The following XRN1 variants were observed in gnomAD, a reference collection of about 807,000 sequenced individuals.
XRN1 encodes the protein 5'-3' exoribonuclease 1.
In XRN1, 67 loss-of-function variants were observed where a neutral mutation model predicts 222.3. The observed-to-expected ratio is 0.30, with a 90% CI of 0.25 to 0.37. The LOEUF is 0.37. XRN1 is among the 10% of genes least tolerant of loss of function. XRN1 has a pLI of 1.00. For missense variants in XRN1, 1,707 were observed against 2,000.2 expected, an observed-to-expected ratio of 0.85 and a Z score of 2.80; for synonymous variants, 643 against 652.4, an observed-to-expected ratio of 0.99 and a Z score of 0.22.
intron 29 of XRN1, among the ~76,000 whole-genome samples, chr3:142,362,734 T>TTCCC (rs546080405): frequency 0.016 from 2,325 of 146,986 alleles, 29 homozygotes; most frequent in Non-Finnish European, 0.026. Context: ...CTTCTCCTCC[T>TTCCC]TCCCTCCCTC....
chr3:142,376,787 C>T (rs1339878981), intron 23 of XRN1, among the ~76,000 whole-genome samples, 193 bp from the exon 24 acceptor site: 1 of 152,126 alleles, frequency 6.6e-6, no homozygotes, highest in Non-Finnish European at 1.5e-5. Flanking sequence ...CTGCTCCTCT[C>T]TCTTTCTCCT....
chr3:142,369,326 G>A (rs571896001), intron 27 of XRN1, among the ~76,000 whole-genome samples: 5 of 152,142 alleles, frequency 3.3e-5, no homozygotes, highest in Non-Finnish European at 7.4e-5. Flanking sequence ...AAAATTTTTA[G>A]TAACTCAATG....
chr3:142,406,180 G>A (rs565564522), intron 15 of XRN1, among the ~76,000 whole-genome samples: 1 of 152,096 alleles, frequency 6.6e-6, no homozygotes, highest in Non-Finnish European at 1.5e-5. Flanking sequence ...GAACAAAATA[G>A]AAAGCCCAGA....
chr3:142,432,637 C>T (rs1222390537), intron 2 of XRN1, 24 bp downstream of exon 2: 4 of 1,507,660 alleles, frequency 2.7e-6, no homozygotes, highest in South Asian at 1.3e-5. Context: ...AATAATATTC[C>T]AAAATAAAAC....
chr3:142,402,333 C>T lies in XRN1; in HGVS notation c.2103+1341G>A, dbSNP rs139669673. Among the ~76,000 whole-genome samples, 929 of 152,170 alleles carry T rather than the reference C, an allele frequency of 6.1e-3. 8 individuals carry two copies. Among genetic ancestry groups the T allele is most frequent in the African/African-American group, 0.021 (858 of 41,506 alleles). ...GAGTAGCTGGGATTACAGGCACCCA[C>T]CACCAAGTTTGGCTAATTTTTGTAT... On this transcript the variant is annotated intron_variant, in intron 18 of 40. Coordinates refer to ENST00000392981, the MANE Select transcript of XRN1 (RefSeq NM_001282857.2).
rs930583151 is a variant in XRN1, at chr3:142,309,983, T to C, written c.*1528A>G. 3.3e-5 allele frequency: 5 copies of C among 152,608 alleles called. No homozygotes were observed. The highest frequency in any genetic ancestry group is 4.8e-5 in the African/African-American group (2 of 41,454). 9.5% of individuals were successfully genotyped at this position (152,608 alleles called of 1,614,324 possible). On this transcript the variant is annotated 3_prime_UTR_variant, in exon 41 of 41. Coordinates refer to ENST00000392981, the MANE Select transcript of XRN1 (RefSeq NM_001282857.2). ...GTTGGGAACTGATAAACATCTGAAC[T>C]TATGAAAATAACAGAAAATAAAATC...
chr3:142,311,304 A>G lies in XRN1; in HGVS notation c.*207T>C, dbSNP rs113173292. On this transcript the variant is annotated 3_prime_UTR_variant, in exon 41 of 41. Transcript: ENST00000392981. Reference sequence around the variant, plus strand: ...ATTTATTGAGGTATAATTGACATACAACAAACTGCACATACTTAAAGTGCA... The same window carrying G: ...ATTTATTGAGGTATAATTGACATACGACAAACTGCACATACTTAAAGTGCA... 2.3e-3 allele frequency: 954 copies of G among 412,400 alleles called. 9 individuals are homozygous for G. Among genetic ancestry groups the G allele is most frequent in the African/African-American group, 0.018 (878 of 49,466 alleles). The allele number at this position is 412,400 out of a possible 1,614,324, so 25.5% of individuals were successfully genotyped here. A position where few individuals can be genotyped will look rare whatever the true frequency, so the allele number is the denominator to read the frequency against.
chr3:142,393,215 C>G (rs1475814504), intron 20 of XRN1, among the ~76,000 whole-genome samples: 4 of 146,334 alleles, frequency 2.7e-5, no homozygotes, highest in Non-Finnish European at 6.0e-5. Flanking sequence ...ATTGTAGATT[C>G]TGGATATTAG....
In XRN1 at chr3:142,422,611, G is replaced by A. The variant is rs192805321; in HGVS notation, c.938C>T (p.Thr313Ile). Residue 313 changes from threonine (T) to isoleucine (I), a missense_variant, in exon 8 of 41, where the codon ACA (threonine) becomes ATA (isoleucine). Physicochemically the swap from Thr to Ile is moderately conservative, Grantham distance 89 (BLOSUM62 -1). This residue lies in a region of XRN1 where 1,234 missense variants were observed against 1,518.2 expected (regional missense o/e 0.81). Transcript: ENST00000392981. The stretch of plus-strand genomic sequence containing the variant: ...AAGTTCTGGCAGGATGGTAACATAT[G>A]TTCCATAAAGAAGAGGCAGTGCATC... ...NHDALPLLYG[T>I]YVTILPELGG... is the part of the protein sequence containing the mutation. 7.4e-5 allele frequency: 120 copies of A among 1,613,652 alleles called. No homozygotes were observed. The highest frequency in any genetic ancestry group is 9.7e-5 in the Non-Finnish European group (114 of 1,179,808).
chr3:142,419,075 G>C (rs1240391955), intron 10 of XRN1, among the ~76,000 whole-genome samples, 194 bp from the exon 11 acceptor site: 2 of 151,908 alleles, frequency 1.3e-5, no homozygotes, highest in Admixed American at 6.6e-5. Flanking sequence ...CCTGTCTACT[G>C]CCAATGACTC....
In XRN1 at chr3:142,309,842, C is replaced by T. The variant is rs748765640; in HGVS notation, c.*1669G>A. The T allele has an allele frequency of 3.9e-5, 6 of 152,030 alleles. No individual in the cohort carries two copies. The highest frequency in any genetic ancestry group is 7.3e-5 in the African/African-American group (3 of 41,366). 9.4% of individuals were successfully genotyped at this position (152,030 alleles called of 1,614,324 possible). A position where few individuals can be genotyped will look rare whatever the true frequency, so the allele number is the denominator to read the frequency against. On this transcript the variant is annotated 3_prime_UTR_variant, in exon 41 of 41. Transcript: ENST00000392981. Reference sequence around the variant, plus strand: ...CACAATTTAACTTTTCTTTGTATTACCATAATAGATGTTTCCTTTAAAAAC... The same window carrying T: ...CACAATTTAACTTTTCTTTGTATTATCATAATAGATGTTTCCTTTAAAAAC...
At chr3:142,380,699 G>A (rs1286392317) in intron 22 of XRN1, among the ~76,000 whole-genome samples, 9 of 151,920 alleles carry the variant, frequency 5.9e-5, no homozygotes, top group Admixed American at 5.9e-4. Flanking sequence ...TGTCATCTAG[G>A]CTGGAGTGTA....
Position 142,423,637 on chromosome 3 carries a change from C to T in XRN1, c.633G>A (p.Met211Ile). The T allele has an allele frequency of 8.9e-6, 14 of 1,575,444 alleles. No individual in the cohort carries two copies. The highest frequency in any genetic ancestry group is 1.1e-5 in the Non-Finnish European group (13 of 1,165,498). The change falls in exon 6 of 41, where the codon ATG (methionine) becomes ATA (isoleucine). Residue 211 changes from methionine to isoleucine, a missense_variant. Met to Ile is a conservative substitution (Grantham distance 10). Around this residue, in one of 2 missense-constraint regions of XRN1, gnomAD observed 1,234 missense variants for 1,518.2 expected, o/e 0.81. Coordinates refer to ENST00000392981, the MANE Select transcript of XRN1 (RefSeq NM_001282857.2). ...CLYGLDADLI[M>I]LGLTSHEAHF... ...GTGCCTCATGACTTGTTAATCCAAGCATAATCTGTTGAAAAATGATTAAGA... is the reference window on the plus strand; with the variant it reads ...GTGCCTCATGACTTGTTAATCCAAGTATAATCTGTTGAAAAATGATTAAGA...
chr3:142,425,172 G>T, intron 5 of XRN1, 50 bp downstream of exon 5: 1 of 1,277,224 alleles, frequency 7.8e-7, no homozygotes, highest in East Asian at 2.6e-5. Context: ...AAATCTCTTA[G>T]ATATTTAACT....
rs573856556 is a variant in XRN1, at chr3:142,321,105, C to CTTTTTTTTTTTTTTT, written c.4405-2217_4405-2203dup. 4.6e-5 allele frequency among the ~76,000 whole-genome samples: 4 copies of CTTTTTTTTTTTTTTT among 87,280 alleles called. 1 individual carries two copies. The highest frequency in any genetic ancestry group is 4.2e-5 in the Non-Finnish European group (2 of 48,050). 57.3% of individuals were successfully genotyped at this position (87,280 alleles called of 152,430 possible). On this transcript the variant is annotated intron_variant, in intron 37 of 40. Coordinates refer to ENST00000392981, the MANE Select transcript of XRN1 (RefSeq NM_001282857.2). ...CATTTGCTGAAAGATCATCCACTTC[C>CTTTTTTTTTTTTTTT]TTTTTTTTTTTTTTTTTTTTTTTTT...
intron 1 of XRN1, among the ~76,000 whole-genome samples, chr3:142,433,454 T>C (rs1199163384): frequency 6.6e-6 from 1 of 152,208 alleles, no homozygotes; most frequent in Admixed American, 6.5e-5. Flanking sequence ...GATTTCTTGT[T>C]TGTGATATGT....
At chr3:142,352,437 C>T (rs2066335518) in intron 32 of XRN1, among the ~76,000 whole-genome samples, 1 of 152,024 alleles carries the variant, frequency 6.6e-6, no homozygotes, top group Non-Finnish European at 1.5e-5. Context: ...ATCTTGTCAC[C>T]TTAATTTTTT....
At chr3:142,385,404 C>T (rs1262564215) in intron 20 of XRN1, among the ~76,000 whole-genome samples, 1 of 152,144 alleles carries the variant, frequency 6.6e-6, no homozygotes, top group East Asian at 1.9e-4. Flanking sequence ...TTATATGAAA[C>T]ATCTAAAATA....
At position 142,423,746 on chromosome 3, in the gene XRN1, CAATT is replaced by C. The variant is rs2069134107; in HGVS notation, c.628-108_628-105del. ...ATTCTATACAAGGAAGAATAAGAAA[CAATT>C]AGCACATTAAATATACAAATAACAA... On this transcript the variant is annotated intron_variant, in intron 5 of 40. Transcript: ENST00000392981. 1.7e-5 allele frequency: 13 copies of C among 769,684 alleles called. No individual in the cohort carries two copies. The East Asian group carries it at 3.9e-4, about 23-fold the overall frequency. 47.7% of individuals were successfully genotyped at this position (769,684 alleles called of 1,614,324 possible).
Sources: allele counts gnomAD v4.1 joint callset (sites outside exome capture counted in the v4.1 genomes callset), GRCh38; gene constraint gnomAD v4.1.1; regional missense constraint gnomAD v4.1.1; transcripts MANE v1.5; gene names NCBI Gene and HGNC (gene_info 2026-07-23, HGNC 2026-07-21).